Variants in KCNT2 observed in about 807,000 individuals in gnomAD.
KCNT2 encodes the protein potassium sodium-activated channel subfamily T member 2, also known as potassium channel subfamily T member 2.
A neutral mutation model predicts 153.8 loss-of-function variants in KCNT2; 67 were observed. The observed-to-expected ratio is 0.44, with a 90% CI of 0.36 to 0.53. The LOEUF is 0.53. KCNT2 is among the 20% of genes least tolerant of loss of function. KCNT2 has a pLI of 0.00. For missense variants in KCNT2, 975 were observed against 1,354.8 expected (o/e 0.72, Z 4.40); for synonymous variants, 500 against 458.8 (o/e 1.09, Z -1.15).
intron 25 of KCNT2, chr1:196,258,785 T>C (rs1396092733): frequency 2.6e-5 from 9 of 340,704 alleles, no homozygotes; most frequent in Non-Finnish European, 5.0e-5. Context: ...TACATAGTTA[T>C]TTATGATATT....
chr1:196,263,088 T>C (rs1232789984), intron 25 of KCNT2, among the ~76,000 whole-genome samples: 1 of 152,140 alleles, frequency 6.6e-6, no homozygotes, highest in African/African-American at 2.4e-5. Context: ...ATTATTTTAA[T>C]CTTTGATTTC....
intron 16 of KCNT2, 107 bp from the exon 17 acceptor site, chr1:196,334,167 T>C: frequency 1.6e-6 from 1 of 637,964 alleles, no homozygotes; most frequent in Non-Finnish European, 2.7e-6. Flanking sequence ...AATATATATA[T>C]AGAGAGAGTA....
intron 1 of KCNT2, among the ~76,000 whole-genome samples, chr1:196,596,603 C>A (rs1428264473): frequency 1.3e-5 from 2 of 152,032 alleles, no homozygotes; most frequent in Non-Finnish European, 2.9e-5. Context: ...AATTTCCCTC[C>A]ATGATTGGTT....
chr1:196,349,872 A>C (rs1167736531), intron 14 of KCNT2, among the ~76,000 whole-genome samples: 1 of 151,672 alleles, frequency 6.6e-6, no homozygotes, highest in Non-Finnish European at 1.5e-5. Flanking sequence ...CCCAGCCCAC[A>C]ACAGTCCCCA....
intron 26 of KCNT2, among the ~76,000 whole-genome samples, chr1:196,239,602 T>A (rs1654764060): frequency 6.6e-6 from 1 of 152,008 alleles, no homozygotes; most frequent in African/African-American, 2.4e-5. Context: ...ACTTTCATAT[T>A]TTTGTTTTGT....
intron 16 of KCNT2, among the ~76,000 whole-genome samples, chr1:196,336,687 C>T (rs769498782): frequency 2.6e-5 from 4 of 152,176 alleles, no homozygotes; most frequent in Non-Finnish European, 2.9e-5. Context: ...TGAAACAGCT[C>T]TTATGAGGGT....
At chr1:196,303,797 T>A (rs928309765) in intron 22 of KCNT2, among the ~76,000 whole-genome samples, 1 of 152,190 alleles carries the variant, frequency 6.6e-6, no homozygotes, top group Non-Finnish European at 1.5e-5. Flanking sequence ...TGACTACAGA[T>A]CCTGGCTTCT....
intron 21 of KCNT2, 21 bp downstream of exon 21, chr1:196,315,871 T>C (rs747784665): frequency 3.2e-5 from 51 of 1,592,748 alleles, no homozygotes; most frequent in Non-Finnish European, 3.7e-5. Context: ...AGTGGCAAGG[T>C]TGGATGATTC....
At chr1:196,451,995 C>T (rs1190082452) in intron 8 of KCNT2, among the ~76,000 whole-genome samples, 3 of 151,822 alleles carry the variant, frequency 2.0e-5, no homozygotes, top group Non-Finnish European at 2.9e-5. Flanking sequence ...TTATTAGAAT[C>T]GGGTAATAGA....
chr1:196,497,649 A>C (rs1332169791), intron 1 of KCNT2, among the ~76,000 whole-genome samples: 1 of 152,116 alleles, frequency 6.6e-6, no homozygotes, highest in Non-Finnish European at 1.5e-5. Context: ...AAATATTTAC[A>C]CTTTACTAAA....
chr1:196,423,458 A>T (rs1673384750), intron 11 of KCNT2, among the ~76,000 whole-genome samples: 1 of 151,856 alleles, frequency 6.6e-6, no homozygotes, highest in South Asian at 2.1e-4. Flanking sequence ...ATAGTATTTT[A>T]ACTGTAATGT....
At chr1:196,305,092 A>G (rs1661507478) in intron 22 of KCNT2, 142 bp downstream of exon 22, 1 of 613,924 alleles carries the variant, frequency 1.6e-6, no homozygotes, top group Non-Finnish European at 2.9e-6. Flanking sequence ...AAAAATTATC[A>G]ATTAGAATTT....
At chr1:196,588,116 C>CG (rs1328423053) in intron 1 of KCNT2, among the ~76,000 whole-genome samples, 1 of 151,914 alleles carries the variant, frequency 6.6e-6, no homozygotes, top group Non-Finnish European at 1.5e-5. Context: ...TATTTCAAGA[C>CG]GGAGTGGCTT....
intron 13 of KCNT2, among the ~76,000 whole-genome samples, chr1:196,380,421 A>G (rs1240453503): frequency 6.6e-6 from 1 of 152,204 alleles, no homozygotes; most frequent in Non-Finnish European, 1.5e-5. Flanking sequence ...AGTTACTTTA[A>G]AACAAGTCAG....
intron 25 of KCNT2, among the ~76,000 whole-genome samples, chr1:196,272,816 C>T (rs1406567913): frequency 6.6e-6 from 1 of 151,718 alleles, no homozygotes; most frequent in Non-Finnish European, 1.5e-5. Context: ...ATGGTGGTTA[C>T]CAATGGCCAG....
chr1:196,501,065 G>T (rs1411904658), intron 1 of KCNT2, among the ~76,000 whole-genome samples: 1 of 152,158 alleles, frequency 6.6e-6, no homozygotes, highest in Non-Finnish European at 1.5e-5. Flanking sequence ...ATGTTGGAAA[G>T]TTTGCAGAGA....
chr1:196,487,341 C>T (rs1242748041), intron 3 of KCNT2, among the ~76,000 whole-genome samples: 1 of 151,586 alleles, frequency 6.6e-6, no homozygotes, highest in Admixed American at 6.6e-5. Flanking sequence ...GCAAAGATTC[C>T]GGTCTTAGGA....
chr1:196,372,585 G>T (rs935422563), intron 14 of KCNT2, among the ~76,000 whole-genome samples: 1 of 151,764 alleles, frequency 6.6e-6, no homozygotes, highest in Non-Finnish European at 1.5e-5. Flanking sequence ...AATAAAAAAG[G>T]TTCTAATGGT....
chr1:196,277,713 G>A (rs942615238), intron 25 of KCNT2, among the ~76,000 whole-genome samples: 4 of 152,004 alleles, frequency 2.6e-5, no homozygotes, highest in African/African-American at 7.2e-5. Flanking sequence ...GGGCCATTTT[G>A]AACACTAATG....
Sources: allele counts gnomAD v4.1 joint callset (sites outside exome capture counted in the v4.1 genomes callset), GRCh38; gene constraint gnomAD v4.1.1; transcripts MANE v1.5; gene names NCBI Gene and HGNC (gene_info 2026-07-23, HGNC 2026-07-21).